Variants in EYS observed in about 807,000 individuals in gnomAD.
EYS encodes EGF-like photoreceptor maintenance factor.
EYS carries 250 observed loss-of-function variants against 282.1 expected under a neutral mutation model. The observed-to-expected ratio is 0.89, with a 90% CI of 0.80 to 0.98. EYS has a LOEUF of 0.98. Ranked by LOEUF, EYS falls within the 50% of genes least tolerant of loss-of-function variation. EYS has a pLI of 0.00. For missense variants in EYS, 4,016 were observed against 3,709.0 expected (o/e 1.08, Z -2.15); for synonymous variants, 1,355 against 1,282.9 (o/e 1.06, Z -1.20).
chr6:64,796,531 C>T (rs987851), intron 22 of EYS, among the ~76,000 whole-genome samples: 151,980 of 152,240 alleles, frequency 1, 75,860 homozygotes, highest in Non-Finnish European at 1. Flanking sequence ...ATTTGATATA[C>T]AGTTGAGTTT....
chr6:64,191,788 T>C (rs1026641938), intron 31 of EYS, among the ~76,000 whole-genome samples: 1 of 151,738 alleles, frequency 6.6e-6, no homozygotes, highest in African/African-American at 2.4e-5. Flanking sequence ...GCAGTAAACA[T>C]ACGTGTGCAT....
chr6:64,228,947 G>A (rs188676253), intron 31 of EYS, among the ~76,000 whole-genome samples: 29 of 152,212 alleles, frequency 1.9e-4, no homozygotes, highest in African/African-American at 2.2e-4. Context: ...AGTGTAATAC[G>A]TGTGTATGAC....
Position 64,591,344 on chromosome 6 carries a change from A to C in EYS, c.4523T>G (p.Leu1508Ter). The C allele has an allele frequency of 1.3e-6, 2 of 1,551,378 alleles. No individual in the cohort carries two copies. Among genetic ancestry groups the C allele is most frequent in the Non-Finnish European group, 1.7e-6 (2 of 1,146,798 alleles). The change falls in exon 26 of 43, where the codon TTA becomes TGA. Residue 1508 changes from leucine to a stop codon, truncating the protein, a stop_gained. Transcript: ENST00000503581. LOFTEE classifies it high-confidence loss of function. Reference protein sequence around the residue: ...KVIISKQVTILNSSALHRFST... With the variant: ...KVIISKQVTI ...GAACCGGTGCAGAGCTGATGAGTTT[A>C]AGATGGTTACCTGTTTAGATATAAT...
At position 65,111,431 on chromosome 6, in the gene EYS, T is replaced by C. The variant is rs188767129; in HGVS notation, c.2024-53704A>G. On this transcript the variant is annotated intron_variant, in intron 12 of 42. Coordinates refer to ENST00000503581, the MANE Select transcript of EYS (RefSeq NM_001142800.2). ...CCTAGCAATATAGACAAAATATATA[T>C]TTATTAATACAATGTATGTTTATTA... Among the ~76,000 whole-genome samples, 3 of 152,320 alleles carry C rather than the reference T, an allele frequency of 2.0e-5. No individual in the cohort carries two copies. The East Asian group carries it at 5.8e-4, about 29-fold the overall frequency.
At chr6:64,894,129 C>G (rs961707484) in intron 18 of EYS, among the ~76,000 whole-genome samples, 7 of 151,980 alleles carry the variant, frequency 4.6e-5, no homozygotes, top group African/African-American at 1.7e-4. Context: ...ATAATTTATT[C>G]ACAGTAAGTA....
At chr6:64,530,285 A>C (rs1764283930) in intron 26 of EYS, among the ~76,000 whole-genome samples, 2 of 152,060 alleles carry the variant, frequency 1.3e-5, no homozygotes, top group Non-Finnish European at 2.9e-5. Flanking sequence ...TTTTCATTAA[A>C]TATTTAATGA....
chr6:63,933,328 C>T (rs955009552), intron 35 of EYS, among the ~76,000 whole-genome samples: 16 of 152,022 alleles, frequency 1.1e-4, no homozygotes, highest in Admixed American at 5.9e-4. Flanking sequence ...CACCTCAGCC[C>T]CCTGAGTAGC....
chr6:65,403,786 A>G (rs1353986858), intron 6 of EYS, among the ~76,000 whole-genome samples: 1 of 152,060 alleles, frequency 6.6e-6, no homozygotes. Flanking sequence ...TACATCCACT[A>G]AAAGTCGCTT....
intron 35 of EYS, among the ~76,000 whole-genome samples, chr6:63,943,766 C>A (rs886423687): frequency 1.3e-5 from 2 of 152,176 alleles, no homozygotes; most frequent in Non-Finnish European, 2.9e-5. Flanking sequence ...TAGATAGTAA[C>A]TTGACAAAAT....
intron 12 of EYS, among the ~76,000 whole-genome samples, chr6:65,289,707 A>G (rs779361657): frequency 6.6e-6 from 1 of 151,188 alleles, no homozygotes; most frequent in Non-Finnish European, 1.5e-5. Context: ...AAATTCACAC[A>G]TTACTAACAA....
chr6:65,600,383 C>G (rs940370141), intron 2 of EYS, among the ~76,000 whole-genome samples: 1 of 152,062 alleles, frequency 6.6e-6, no homozygotes, highest in Non-Finnish European at 1.5e-5. Context: ...GTTTTCTCCT[C>G]ATTGTTATTC....
intron 26 of EYS, among the ~76,000 whole-genome samples, chr6:64,541,850 T>A (rs183499473): frequency 6.6e-6 from 1 of 152,298 alleles, no homozygotes; most frequent in Admixed American, 6.5e-5. Flanking sequence ...TTTGTAGTTA[T>A]AAAGTTTTAC....
intron 24 of EYS, among the ~76,000 whole-genome samples, chr6:64,610,108 T>C (rs918189438): frequency 2.6e-5 from 4 of 152,108 alleles, no homozygotes; most frequent in African/African-American, 9.7e-5. Context: ...ATCTTCAATA[T>C]AGCCAAGCTT....
intron 26 of EYS, among the ~76,000 whole-genome samples, chr6:64,496,337 A>G (rs1264705540): frequency 1.3e-5 from 2 of 150,934 alleles, no homozygotes; most frequent in Non-Finnish European, 3.0e-5. Flanking sequence ...ATCCAACAAA[A>G]CTACCATGTT....
At chr6:64,583,248 A>C (rs761924681) in intron 26 of EYS, among the ~76,000 whole-genome samples, 3 of 152,122 alleles carry the variant, frequency 2.0e-5, no homozygotes, top group Non-Finnish European at 2.9e-5. Context: ...GTTGGTTTAT[A>C]AAATGTAAAT....
intron 33 of EYS, among the ~76,000 whole-genome samples, chr6:64,007,045 T>G (rs1768383331): frequency 6.6e-6 from 1 of 152,294 alleles, no homozygotes; most frequent in African/African-American, 2.4e-5. Flanking sequence ...CATCCTCAAC[T>G]TTTTGGAATA....
At chr6:65,704,982 T>C (rs753591272) in intron 1 of EYS, among the ~76,000 whole-genome samples, 1 of 152,212 alleles carries the variant, frequency 6.6e-6, no homozygotes, top group Non-Finnish European at 1.5e-5. Context: ...AAATAGAATT[T>C]CCTCTGGGAA....
chr6:65,595,140 A>C (rs563237310), intron 2 of EYS, among the ~76,000 whole-genome samples: 10 of 152,108 alleles, frequency 6.6e-5, no homozygotes, highest in African/African-American at 2.4e-4. Flanking sequence ...ATTCAGCCAT[A>C]AAAAAACGAT....
In EYS at chr6:64,330,549, A is replaced by G. The variant is rs560208742; in HGVS notation, c.6079-23467T>C. Among the ~76,000 whole-genome samples the G allele has an allele frequency of 2.0e-5, 3 of 152,298 alleles. No homozygotes were observed. In the South Asian group the frequency reaches 6.2e-4, roughly 32 times the overall value. On this transcript the variant is annotated intron_variant, in intron 29 of 42. Coordinates refer to ENST00000503581, the MANE Select transcript of EYS (RefSeq NM_001142800.2). The stretch of plus-strand genomic sequence containing the variant: ...CTTTTTACCTGTATGTCCATGAAAG[A>G]AAAGGAATAGCTACAGGAGTCTTGG...
Sources: allele counts gnomAD v4.1 joint callset (sites outside exome capture counted in the v4.1 genomes callset), GRCh38; gene constraint gnomAD v4.1.1; transcripts MANE v1.5; gene names NCBI Gene and HGNC (gene_info 2026-07-23, HGNC 2026-07-21).